The following RBM33 variants were observed in gnomAD, a reference collection of about 807,000 sequenced individuals.
RBM33 encodes the protein RNA-binding protein 33.
Under a neutral mutation model 132.6 loss-of-function variants are expected in RBM33, and 28 were observed. The observed-to-expected ratio is 0.21, with a 90% confidence interval of 0.16 to 0.29. RBM33 has a LOEUF of 0.29. Ranked by LOEUF, RBM33 falls within the 10% of genes least tolerant of loss-of-function variation. RBM33 has a pLI of 1.00. For missense variants in RBM33, 1,291 were observed against 1,518.5 expected, an observed-to-expected ratio of 0.85 and a Z score of 2.49; for synonymous variants, 634 against 593.0, an observed-to-expected ratio of 1.07 and a Z score of -1.01.
chr7:155,660,199 G>A (rs569229786), intron 1 of RBM33, among the ~76,000 whole-genome samples: 1 of 152,260 alleles, frequency 6.6e-6, no homozygotes, highest in Admixed American at 6.5e-5. Context: ...GCAACCTCCT[G>A]AATGGCTGAG....
Position 155,678,591 on chromosome 7 carries a change from TTTC to T in RBM33, c.172-14_172-12del, listed in dbSNP as rs778419033. The T allele has an allele frequency of 6.8e-5, 98 of 1,434,900 alleles. No homozygotes were observed. In the East Asian group the frequency reaches 1.8e-3, roughly 27 times the overall value. 88.9% of individuals were successfully genotyped at this position (1,434,900 alleles called of 1,614,324 possible). A position where few individuals can be genotyped will look rare whatever the true frequency, so the allele number is the denominator to read the frequency against. On this transcript the variant is annotated splice_polypyrimidine_tract_variant and intron_variant, in intron 3 of 17. Transcript: ENST00000401878. ...ATGGAAGTGACACACATTAATTATA[TTTC>T]TTATTTTAATTAGAATCAGTCGGAT... is the stretch of plus-strand genomic sequence containing the variant.
chr7:155,707,137 C>A, intron 7 of RBM33, 69 bp downstream of exon 7: 2 of 1,253,370 alleles, frequency 1.6e-6, no homozygotes, highest in Non-Finnish European at 2.3e-6. Context: ...TTGTGGGTAT[C>A]CTAGTATACA....
intron 5 of RBM33, among the ~76,000 whole-genome samples, chr7:155,695,253 A>G (rs922936161): frequency 2.6e-5 from 4 of 152,298 alleles, no homozygotes; most frequent in African/African-American, 9.6e-5. Flanking sequence ...TGCTATATAT[A>G]TCCTATATAT....
chr7:155,667,968 C>T (rs1798843831), intron 2 of RBM33, among the ~76,000 whole-genome samples: 1 of 151,956 alleles, frequency 6.6e-6, no homozygotes, highest in Non-Finnish European at 1.5e-5. Flanking sequence ...TCTGCAGCCC[C>T]CTCAAATCAC....
At position 155,750,309 on chromosome 7, in the gene RBM33, G is replaced by GA. The variant is rs1359196553; in HGVS notation, c.2979+4712dup. Among the ~76,000 whole-genome samples, 6 of 151,972 alleles carry GA rather than the reference G, an allele frequency of 3.9e-5. No individual in the cohort carries two copies. The South Asian group carries it at 1.0e-3, about 26-fold the overall frequency. On this transcript the variant is annotated intron_variant, in intron 14 of 17. Transcript: ENST00000401878. The stretch of plus-strand genomic sequence containing the variant: ...GTTCATAACCTATACATAATTCCCA[G>GA]AAAAACAATTCAAGTAATAACAGCA...
chr7:155,700,293 A>G (rs1410860363), intron 5 of RBM33, among the ~76,000 whole-genome samples: 1 of 152,204 alleles, frequency 6.6e-6, no homozygotes, highest in Non-Finnish European at 1.5e-5. Context: ...GTAGAACGGC[A>G]CATTTGGACT....
At chr7:155,703,968 ATATTGT>A (rs1172219340) in intron 6 of RBM33, among the ~76,000 whole-genome samples, 3 of 151,876 alleles carry the variant, frequency 2.0e-5, no homozygotes, top group African/African-American at 7.3e-5. Flanking sequence ...GTTTTCGCTG[ATATTGT>A]TAGTGTTGAG....
intron 3 of RBM33, among the ~76,000 whole-genome samples, chr7:155,673,591 T>TACACGCATATAC (rs1563137562): frequency 1.1e-5 from 1 of 94,872 alleles, no homozygotes; most frequent in African/African-American, 4.5e-5. Context: ...TGTATATATA[T>TACACGCATATAC]ATACACACAT....
intron 5 of RBM33, among the ~76,000 whole-genome samples, chr7:155,692,749 T>G (rs971863734): frequency 6.6e-6 from 1 of 152,240 alleles, no homozygotes; most frequent in African/African-American, 2.4e-5. Flanking sequence ...CTTATACTCT[T>G]CACTGTTCTT....
At chr7:155,773,128 T>C (rs1802484814) in intron 16 of RBM33, among the ~76,000 whole-genome samples, 1 of 152,194 alleles carries the variant, frequency 6.6e-6, no homozygotes, top group Non-Finnish European at 1.5e-5. Context: ...AGTTAGTTAT[T>C]TTCTCTAGCT....
chr7:155,694,531 G>A (rs1000489987), intron 5 of RBM33, among the ~76,000 whole-genome samples: 3 of 152,320 alleles, frequency 2.0e-5, no homozygotes, highest in Admixed American at 6.5e-5. Flanking sequence ...ATACATCCAA[G>A]TTACCATCCC....
chr7:155,737,406 C>T, intron 9 of RBM33, 124 bp from the exon 10 acceptor site: 1 of 846,768 alleles, frequency 1.2e-6, no homozygotes. Flanking sequence ...AAGACAGTGA[C>T]TGTTAGGAGA....
intron 13 of RBM33, 113 bp from the exon 14 acceptor site, chr7:155,744,848 T>C: frequency 1.9e-6 from 2 of 1,073,986 alleles, no homozygotes. Flanking sequence ...AGTGACTTCT[T>C]TCAGATACTG....
intron 5 of RBM33, among the ~76,000 whole-genome samples, chr7:155,695,811 A>G (rs1799778369): frequency 6.6e-6 from 1 of 152,150 alleles, no homozygotes; most frequent in Admixed American, 6.5e-5. Flanking sequence ...AATTTTGTTG[A>G]AGTATGAAGA....
At chr7:155,658,629 G>C (rs968652532) in intron 1 of RBM33, among the ~76,000 whole-genome samples, 5 of 152,148 alleles carry the variant, frequency 3.3e-5, no homozygotes, top group Non-Finnish European at 7.3e-5. Flanking sequence ...TCAAACTCCT[G>C]ACCTCATGAT....
chr7:155,685,956 TGAC>T, intron 5 of RBM33, among the ~76,000 whole-genome samples: 2 of 152,362 alleles, frequency 1.3e-5, no homozygotes, highest in Middle Eastern at 6.8e-3. Flanking sequence ...AATAATACTA[TGAC>T]AGTCTATGAA....
At chr7:155,731,007 C>G (rs1800939368) in intron 9 of RBM33, among the ~76,000 whole-genome samples, 1 of 151,976 alleles carries the variant, frequency 6.6e-6, no homozygotes. Context: ...CTTTGAGTTT[C>G]TTCTAATTCA....
chr7:155,716,321 T>G lies in RBM33; in HGVS notation c.1202-2064T>G, dbSNP rs1374160771. 3.4e-5 allele frequency among the ~76,000 whole-genome samples: 5 copies of G among 147,470 alleles called. 1 individual carries two copies. ...GCTGTTTTTCCTTTTCTGCTGTTTT[T>G]TTTTTTTTTTTAAATAGGGAAAAGG... On this transcript the variant is annotated intron_variant, in intron 8 of 17. Transcript: ENST00000401878.
chr7:155,653,099 C>G (rs1288921964), intron 1 of RBM33, among the ~76,000 whole-genome samples: 2 of 151,842 alleles, frequency 1.3e-5, no homozygotes, highest in Non-Finnish European at 2.9e-5. Context: ...AACCATATAT[C>G]CTTCAATAGA....
Sources: allele counts gnomAD v4.1 joint callset (sites outside exome capture counted in the v4.1 genomes callset), GRCh38; gene constraint gnomAD v4.1.1; transcripts MANE v1.5; gene names NCBI Gene and HGNC (gene_info 2026-07-23, HGNC 2026-07-21).